The following RBFOX1 variants were observed in gnomAD, a reference collection of about 807,000 sequenced individuals.
RBFOX1 encodes RNA binding protein fox-1 homolog 1.
Under a neutral mutation model 57.7 loss-of-function variants are expected in RBFOX1, and 8 were observed. That is an observed-to-expected ratio of 0.14 (90% CI 0.08 to 0.25). The LOEUF (loss-of-function observed/expected upper bound fraction) is 0.25, where lower values mean the gene tolerates loss of function less well. RBFOX1 is among the 10% of genes least tolerant of loss of function. The probability of loss-of-function intolerance (pLI) is 1.00; values close to 1 mark genes in which losing one functional copy is unlikely to be tolerated. For synonymous variants in RBFOX1, 326 were observed against 222.4 expected (o/e 1.47, Z -4.15); for missense variants, 611 against 548.5 (o/e 1.11, Z -1.14).
chr16:6,255,942 C>T (rs137918442), intron 1 of RBFOX1, among the ~76,000 whole-genome samples: 1,750 of 151,138 alleles, frequency 0.012, 18 homozygotes, highest in Middle Eastern at 0.044. Flanking sequence ...CTAATGCATG[C>T]GGGGCTTAAA....
chr16:6,579,272 T>C (rs557326782), intron 2 of RBFOX1, among the ~76,000 whole-genome samples: 21 of 152,068 alleles, frequency 1.4e-4, no homozygotes, highest in South Asian at 8.3e-4. Context: ...GGTTCAGTTA[T>C]CGCTCTCTGT....
chr16:7,564,715 C>A (rs2091274587), intron 5 of RBFOX1, among the ~76,000 whole-genome samples: 1 of 152,108 alleles, frequency 6.6e-6, no homozygotes, highest in Non-Finnish European at 1.5e-5. Context: ...TTATAACAGC[C>A]TGAGAAGACT....
At chr16:7,667,244 C>T (rs1434497350) in intron 13 of RBFOX1, among the ~76,000 whole-genome samples, 2 of 152,148 alleles carry the variant, frequency 1.3e-5, no homozygotes, top group Admixed American at 6.5e-5. Flanking sequence ...TGCTGGTGTG[C>T]ATCCGTGTGT....
chr16:6,933,800 C>G (rs919030917), intron 3 of RBFOX1, among the ~76,000 whole-genome samples: 1 of 152,146 alleles, frequency 6.6e-6, no homozygotes, highest in Non-Finnish European at 1.5e-5. Flanking sequence ...TGTTCATTTT[C>G]TATATCCAAA....
chr16:5,632,240 A>T (rs1000841016), intron 3 of RBFOX1, among the ~76,000 whole-genome samples: 10 of 152,242 alleles, frequency 6.6e-5, no homozygotes, highest in Non-Finnish European at 1.3e-4. Context: ...TGAGACAACT[A>T]GCCACAGTCT....
chr16:7,103,992 C>T (rs555677086), intron 4 of RBFOX1, among the ~76,000 whole-genome samples: 1 of 152,126 alleles, frequency 6.6e-6, no homozygotes, highest in Non-Finnish European at 1.5e-5. Context: ...CTATTATTAA[C>T]AACAAGAGTA....
chr16:7,504,737 A>ATATATATATTTATATATATATATATT (rs2072350589), intron 4 of RBFOX1, among the ~76,000 whole-genome samples: 6 of 6,492 alleles, frequency 9.2e-4, no homozygotes, highest in African/African-American at 1.9e-3. Context: ...ATATATATAT[A>ATATATATATTTATATATATATATATT]TATATATATA....
At chr16:7,098,859 G>T (rs1036455361) in intron 4 of RBFOX1, among the ~76,000 whole-genome samples, 2 of 152,046 alleles carry the variant, frequency 1.3e-5, no homozygotes, top group Non-Finnish European at 2.9e-5. Flanking sequence ...TTCAAAATTT[G>T]GTCCTTATCC....
chr16:5,620,978 C>G (rs2048184184), intron 3 of RBFOX1, among the ~76,000 whole-genome samples: 1 of 152,044 alleles, frequency 6.6e-6, no homozygotes, highest in Non-Finnish European at 1.5e-5. Context: ...GTAGCTGGGA[C>G]TATAGACGCT....
chr16:7,660,946 A>G (rs1048643412), intron 12 of RBFOX1, among the ~76,000 whole-genome samples: 2 of 152,164 alleles, frequency 1.3e-5, no homozygotes, highest in Non-Finnish European at 2.9e-5. Flanking sequence ...CAGTTTCTAC[A>G]TGTCTAAAGA....
chr16:7,429,212 C>T (rs763027890), intron 4 of RBFOX1, among the ~76,000 whole-genome samples: 1 of 152,178 alleles, frequency 6.6e-6, no homozygotes, highest in Non-Finnish European at 1.5e-5. Context: ...TGGACAGAGG[C>T]ACAGCAACAT....
intron 4 of RBFOX1, among the ~76,000 whole-genome samples, chr16:5,935,865 C>G (rs921528231): frequency 1.3e-5 from 2 of 152,008 alleles, no homozygotes; most frequent in Admixed American, 6.6e-5. Context: ...CATTGGATAT[C>G]CTGGTTGTTG....
rs549946495 is a variant in RBFOX1 at position 5,257,749 on chromosome 16, C to G, written c.219+17644C>G. Among the ~76,000 whole-genome samples, 28 of 152,278 alleles carry G rather than the reference C, an allele frequency of 1.8e-4. No homozygotes were observed. The South Asian group carries it at 1.9e-3, about 10-fold the overall frequency. On this transcript the variant is annotated intron_variant, in intron 1 of 2. Transcript: ENST00000585867. ...CCCAGTGTCAGCCTCCCCCACGCTTCCCTCCCTGCCCATTCCTTGTGTGTT... is the reference window on the plus strand; with the variant it reads ...CCCAGTGTCAGCCTCCCCCACGCTTGCCTCCCTGCCCATTCCTTGTGTGTT...
At chr16:5,246,910 A>G (rs543819707) in intron 1 of RBFOX1, among the ~76,000 whole-genome samples, 16 of 152,178 alleles carry the variant, frequency 1.1e-4, no homozygotes, top group Admixed American at 8.5e-4. Context: ...GGCTCAAGCA[A>G]TCTGCCGGCC....
At chr16:5,502,818 G>A (rs545364589) in intron 2 of RBFOX1, among the ~76,000 whole-genome samples, 5 of 152,220 alleles carry the variant, frequency 3.3e-5, no homozygotes, top group Admixed American at 3.3e-4. Context: ...AGACTCTTCC[G>A]CGTCTCAGGG....
chr16:5,534,242 C>A (rs2044602848), intron 2 of RBFOX1, among the ~76,000 whole-genome samples: 1 of 152,138 alleles, frequency 6.6e-6, no homozygotes, highest in African/African-American at 2.4e-5. Flanking sequence ...TCTACCAAGT[C>A]ATATACTGTA....
chr16:7,211,085 TAAAAAAAAA>T (rs59344460), intron 4 of RBFOX1, among the ~76,000 whole-genome samples: 1 of 144,362 alleles, frequency 6.9e-6, no homozygotes. Flanking sequence ...TACATACACT[TAAAAAAAAA>T]AAAAAAAGGA....
intron 2 of RBFOX1, among the ~76,000 whole-genome samples, chr16:6,403,306 G>T (rs1284708148): frequency 6.6e-6 from 1 of 152,180 alleles, no homozygotes; most frequent in Non-Finnish European, 1.5e-5. Context: ...CCACTCAGGT[G>T]TTAAGAACCC....
chr16:6,128,386 T>G (rs1567520686), intron 1 of RBFOX1, among the ~76,000 whole-genome samples: 1 of 152,196 alleles, frequency 6.6e-6, no homozygotes, highest in Non-Finnish European at 1.5e-5. Context: ...AGGTTGGTCC[T>G]CAGACTGAAA....
Sources: allele counts gnomAD v4.1 joint callset (sites outside exome capture counted in the v4.1 genomes callset), GRCh38; gene constraint gnomAD v4.1.1; transcripts MANE v1.5; gene names NCBI Gene and HGNC (gene_info 2026-07-23, HGNC 2026-07-21).